GRAMD4: variants seen among roughly 807,000 people sequenced by gnomAD.
GRAMD4 encodes the protein GRAM domain-containing protein 4.
Under a neutral mutation model 83.9 loss-of-function variants are expected in GRAMD4, and 25 were observed. The observed-to-expected ratio is 0.30, with a 90% confidence interval of 0.22 to 0.42. GRAMD4 has a LOEUF of 0.42. Ranked by LOEUF, GRAMD4 falls within the 10% of genes least tolerant of loss-of-function variation. The pLI is 1.00. For missense variants in GRAMD4, 593 were observed against 788.7 expected, an observed-to-expected ratio of 0.75 and a Z score of 2.97; for synonymous variants, 336 against 320.9, an observed-to-expected ratio of 1.05 and a Z score of -0.50.
At chr22:46,602,191 GC>G (rs1270056867) in intron 1 of GRAMD4, among the ~76,000 whole-genome samples, 3 of 152,182 alleles carry the variant, frequency 2.0e-5, no homozygotes, top group African/African-American at 7.2e-5. Context: ...AGACGGCCTT[GC>G]CCCACCGCCA....
intron 1 of GRAMD4, among the ~76,000 whole-genome samples, chr22:46,578,490 C>T (rs1178152987): frequency 6.6e-6 from 1 of 152,160 alleles, no homozygotes; most frequent in Non-Finnish European, 1.5e-5. Context: ...TGATGTGGGC[C>T]TCCTCAGGCT....
chr22:46,645,552 A>C (rs1399537867), intron 3 of GRAMD4, among the ~76,000 whole-genome samples: 2 of 152,210 alleles, frequency 1.3e-5, no homozygotes, highest in Non-Finnish European at 2.9e-5. Context: ...CTAAGTGGTC[A>C]GTGTTAAAAT....
At chr22:46,676,126 G>A (rs950941997) in intron 17 of GRAMD4, among the ~76,000 whole-genome samples, 1 of 152,206 alleles carries the variant, frequency 6.6e-6, no homozygotes, top group African/African-American at 2.4e-5. Context: ...GCATTGGCAC[G>A]GCGGGCACTC....
rs1045126837 is a variant in GRAMD4 at position 46,678,981 on chromosome 22, C to T, written c.*1730C>T. 6.1e-6 allele frequency: 6 copies of T among 985,650 alleles called. No individual in the cohort carries two copies. Among genetic ancestry groups the T allele is most frequent in the Middle Eastern group, 5.2e-4 (1 of 1,938 alleles). 61.1% of individuals were successfully genotyped at this position (985,650 alleles called of 1,614,324 possible). A position where few individuals can be genotyped will look rare whatever the true frequency, so the allele number is the denominator to read the frequency against. ...AATGGGGACAGAACCCGCTCTGAGC[C>T]GTGGGTCTGGCTCCTGTAGGGGACT... On this transcript the variant is annotated 3_prime_UTR_variant, in exon 19 of 19. Transcript: ENST00000406902.
intron 1 of GRAMD4, among the ~76,000 whole-genome samples, chr22:46,595,918 A>C (rs1469107062): frequency 6.6e-6 from 1 of 151,888 alleles, no homozygotes; most frequent in African/African-American, 2.4e-5. Flanking sequence ...GAGTGGGTGC[A>C]CAGGAGGAGT....
chr22:46,669,233 G>T (rs1443358272), intron 13 of GRAMD4, among the ~76,000 whole-genome samples: 1 of 152,260 alleles, frequency 6.6e-6, no homozygotes, highest in African/African-American at 2.4e-5. Context: ...GCCTCTTGGG[G>T]CGCCTGTGGG....
chr22:46,615,045 CTGTG>C (rs2147106058), intron 1 of GRAMD4, among the ~76,000 whole-genome samples: 1 of 57,806 alleles, frequency 1.7e-5, no homozygotes, highest in Non-Finnish European at 3.9e-5. Flanking sequence ...GTAGGTTCCC[CTGTG>C]CGTGTAGGTT....
At chr22:46,598,251 G>C (rs537047698) in intron 1 of GRAMD4, among the ~76,000 whole-genome samples, 1 of 152,260 alleles carries the variant, frequency 6.6e-6, no homozygotes, top group East Asian at 1.9e-4. Flanking sequence ...CAAAGGGATA[G>C]GATTACAGGT....
At chr22:46,630,031 C>CTT (rs767819677) in intron 2 of GRAMD4, among the ~76,000 whole-genome samples, 3 of 147,246 alleles carry the variant, frequency 2.0e-5, no homozygotes, top group African/African-American at 5.0e-5. Context: ...TTTTCTTATT[C>CTT]TTTTTTTTTT....
chr22:46,586,994 G>T (rs2081157044), intron 1 of GRAMD4, among the ~76,000 whole-genome samples: 1 of 152,208 alleles, frequency 6.6e-6, no homozygotes, highest in South Asian at 2.1e-4. Context: ...TACCCGGGAA[G>T]AACCGGACCG....
At chr22:46,631,139 A>T (rs2081769545) in intron 2 of GRAMD4, among the ~76,000 whole-genome samples, 1 of 152,162 alleles carries the variant, frequency 6.6e-6, no homozygotes, top group African/African-American at 2.4e-5. Flanking sequence ...CATTCTTTTT[A>T]TTTGTTGTGG....
intron 3 of GRAMD4, among the ~76,000 whole-genome samples, chr22:46,643,016 C>T (rs1216100460): frequency 2.1e-5 from 3 of 142,268 alleles, no homozygotes; most frequent in Non-Finnish European, 1.6e-5. Context: ...TTTATCCATC[C>T]CTGGATCCAT....
At chr22:46,592,353 T>C (rs890323434) in intron 1 of GRAMD4, among the ~76,000 whole-genome samples, 2 of 151,772 alleles carry the variant, frequency 1.3e-5, no homozygotes, top group African/African-American at 4.8e-5. Context: ...TGCGTGTCTG[T>C]GGTCCCAGCT....
At chr22:46,610,686 C>T (rs1285731814) in intron 1 of GRAMD4, among the ~76,000 whole-genome samples, 1 of 152,198 alleles carries the variant, frequency 6.6e-6, no homozygotes, top group African/African-American at 2.4e-5. Flanking sequence ...GAAGACATGG[C>T]GAATCTGGGG....
At chr22:46,668,961 C>A in intron 13 of GRAMD4, 53 bp downstream of exon 13, 1 of 984,604 alleles carries the variant, frequency 1.0e-6, no homozygotes, top group South Asian at 1.3e-5. Context: ...CACAGGTGTC[C>A]GCATGCCACC....
intron 1 of GRAMD4, among the ~76,000 whole-genome samples, chr22:46,591,209 T>C (rs2081204087): frequency 6.6e-6 from 1 of 152,176 alleles, no homozygotes; most frequent in African/African-American, 2.4e-5. Flanking sequence ...AATTCTCTCT[T>C]CAGGGACTTA....
At chr22:46,614,390 T>C (rs147546116) in intron 1 of GRAMD4, among the ~76,000 whole-genome samples, 84 of 152,368 alleles carry the variant, frequency 5.5e-4, no homozygotes, top group African/African-American at 1.7e-3. Flanking sequence ...GTGAGGTCTG[T>C]AGCCGTTCAT....
In GRAMD4 at chr22:46,625,546, C is replaced by T. The variant is rs147395779; in HGVS notation, c.-49-1205C>T. Among the ~76,000 whole-genome samples the T allele has an allele frequency of 1.6e-3, 243 of 152,410 alleles. 1 individual carries two copies. The highest frequency in any genetic ancestry group is 5.6e-3 in the African/African-American group (232 of 41,604). Reference sequence around the variant, plus strand: ...TTCCTGGATACCTTTGCCTTACTGGCATCTTTCCATTTTCAGAGGCAAAAA... The same window carrying T: ...TTCCTGGATACCTTTGCCTTACTGGTATCTTTCCATTTTCAGAGGCAAAAA... On this transcript the variant is annotated intron_variant, in intron 1 of 18. Coordinates refer to ENST00000406902, the MANE Select transcript of GRAMD4 (RefSeq NM_015124.5).
At chr22:46,661,471 A>C (rs1381047546) in intron 5 of GRAMD4, 29 bp downstream of exon 5, 2 of 1,056,254 alleles carry the variant, frequency 1.9e-6, no homozygotes, top group Non-Finnish European at 2.8e-6. Flanking sequence ...GTGGACAGGC[A>C]GGCGGGCGGG....
Sources: allele counts gnomAD v4.1 joint callset (sites outside exome capture counted in the v4.1 genomes callset), GRCh38; gene constraint gnomAD v4.1.1; transcripts MANE v1.5; gene names NCBI Gene and HGNC (gene_info 2026-07-23, HGNC 2026-07-21).